The following PXDNL variants were observed in gnomAD, a reference collection of about 807,000 sequenced individuals.
The protein encoded by PXDNL is peroxidasin like, also known as probable oxidoreductase PXDNL.
A neutral mutation model predicts 150.8 loss-of-function variants in PXDNL; 145 were observed. That is an observed-to-expected ratio of 0.96 (90% CI 0.84 to 1.10). The LOEUF is 1.10. Ranked by LOEUF, PXDNL falls within the 50% of genes least tolerant of loss-of-function variation. PXDNL has a pLI of 0.00. For missense variants in PXDNL, 2,087 were observed against 1,873.9 expected (o/e 1.11, Z -2.10); for synonymous variants, 757 against 725.7 (o/e 1.04, Z -0.69).
chr8:51,628,399 CTTTTTTTTTTTTTTT>C (rs71550276), intron 2 of PXDNL, among the ~76,000 whole-genome samples: 10 of 69,748 alleles, frequency 1.4e-4, no homozygotes, highest in African/African-American at 3.5e-4. Flanking sequence ...CTTTTCTTTT[CTTTTTTTTTTTTTTT>C]TTTTTTTTGG....
At chr8:51,431,931 A>T (rs551177848) in intron 12 of PXDNL, among the ~76,000 whole-genome samples, 48 of 152,226 alleles carry the variant, frequency 3.2e-4, no homozygotes, top group Non-Finnish European at 6.0e-4. Context: ...ATCAAAACAC[A>T]CTTGCCAGTT....
intron 1 of PXDNL, among the ~76,000 whole-genome samples, chr8:51,803,331 C>G (rs1339688335): frequency 6.6e-6 from 1 of 152,168 alleles, no homozygotes; most frequent in African/African-American, 2.4e-5. Context: ...TTTCTCAGCT[C>G]TCACATCCTT....
At position 51,453,761 on chromosome 8, in the gene PXDNL, G is replaced by A. The variant is rs865988145; in HGVS notation, c.1007C>T (p.Pro336Leu). The A allele has an allele frequency of 1.2e-6, 2 of 1,613,918 alleles. No individual in the cohort carries two copies. Among genetic ancestry groups the A allele is most frequent in the Non-Finnish European group, 1.7e-6 (2 of 1,179,868 alleles). The change falls in exon 10 of 23, where the codon CCT (proline) becomes CTT (leucine). Residue 336 changes from proline (P) to leucine (L), a missense_variant. Coordinates refer to ENST00000356297, the MANE Select transcript of PXDNL (RefSeq NM_144651.5). ...LPAKPSFVIQPQDTEVLIGTS... is the reference protein window; with the variant it reads ...LPAKPSFVIQLQDTEVLIGTS... ...GCCAATTAAAACCTCTGTGTCCTGA[G>A]GCTGGATTACAAAGCTTGGTTTGGC...
At chr8:51,617,079 G>A (rs1323800057) in intron 2 of PXDNL, among the ~76,000 whole-genome samples, 1 of 152,202 alleles carries the variant, frequency 6.6e-6, no homozygotes, top group Non-Finnish European at 1.5e-5. Context: ...AGTTTGAGAA[G>A]AATTGGGAGA....
At chr8:51,417,248 A>C (rs1428956584) in intron 14 of PXDNL, among the ~76,000 whole-genome samples, 4 of 152,214 alleles carry the variant, frequency 2.6e-5, no homozygotes, top group South Asian at 2.1e-4. Context: ...TTTCTTTGTT[A>C]AGTCTCAGGG....
At chr8:51,435,785 A>C (rs1809388713) in intron 12 of PXDNL, 1 of 413,230 alleles carries the variant, frequency 2.4e-6, no homozygotes, top group African/African-American at 2.1e-5. Context: ...CAAGGAATGG[A>C]TTTTCATCTT....
chr8:51,723,856 C>T (rs1315123670), intron 1 of PXDNL, among the ~76,000 whole-genome samples: 1 of 151,872 alleles, frequency 6.6e-6, no homozygotes, highest in Non-Finnish European at 1.5e-5. Flanking sequence ...GACTGCATTG[C>T]GGACAGTAAA....
Position 51,707,166 on chromosome 8 carries a change from T to C in PXDNL, c.165-52406A>G, listed in dbSNP as rs202242621. On this transcript the variant is annotated intron_variant, in intron 1 of 22. Transcript: ENST00000356297. ...TGAGCATCTCTGATATTTTCAGTGGTTTGTTTTGCTCGCTCTCTCTCTGTC... is the reference window on the plus strand; with the variant it reads ...TGAGCATCTCTGATATTTTCAGTGGCTTGTTTTGCTCGCTCTCTCTCTGTC... 3.3e-5 allele frequency among the ~76,000 whole-genome samples: 5 copies of C among 152,320 alleles called. No individual in the cohort carries two copies. The East Asian group carries it at 9.6e-4, about 29-fold the overall frequency.
intron 2 of PXDNL, among the ~76,000 whole-genome samples, chr8:51,600,659 C>A (rs1813693575): frequency 7.5e-6 from 1 of 133,556 alleles, no homozygotes; most frequent in Non-Finnish European, 1.6e-5. Context: ...TAAATTATAT[C>A]TTATATAAAT....
chr8:51,776,474 A>G (rs902389143), intron 1 of PXDNL, among the ~76,000 whole-genome samples: 1 of 152,128 alleles, frequency 6.6e-6, no homozygotes, highest in Non-Finnish European at 1.5e-5. Context: ...GCCGACACTT[A>G]GAGAAATAGA....
At chr8:51,540,008 C>A (rs559820083) in intron 4 of PXDNL, among the ~76,000 whole-genome samples, 1 of 151,858 alleles carries the variant, frequency 6.6e-6, no homozygotes, top group Non-Finnish European at 1.5e-5. Flanking sequence ...TCTCAACCTC[C>A]GCCTCTCAGG....
intron 21 of PXDNL, among the ~76,000 whole-genome samples, chr8:51,325,659 G>T (rs777863391): frequency 2.0e-5 from 3 of 152,182 alleles, no homozygotes; most frequent in Non-Finnish European, 2.9e-5. Context: ...AGTGAAGAGG[G>T]AGGGGAGCTT....
intron 2 of PXDNL, among the ~76,000 whole-genome samples, chr8:51,610,015 C>G (rs1813964286): frequency 7.0e-6 from 1 of 143,564 alleles, no homozygotes; most frequent in Non-Finnish European, 1.5e-5. Context: ...TACTGGCCTT[C>G]TATTAATACA....
intron 1 of PXDNL, among the ~76,000 whole-genome samples, chr8:51,780,195 CAGT>C (rs201063126): frequency 6.6e-6 from 1 of 152,076 alleles, no homozygotes; most frequent in East Asian, 1.9e-4. Flanking sequence ...CCAGGCAATA[CAGT>C]GAAACTCTGT....
intron 5 of PXDNL, among the ~76,000 whole-genome samples, chr8:51,496,645 A>G (rs1479544168): frequency 6.6e-6 from 1 of 152,204 alleles, no homozygotes; most frequent in Non-Finnish European, 1.5e-5. Flanking sequence ...CACCAATAAC[A>G]GACAAACAGA....
intron 12 of PXDNL, among the ~76,000 whole-genome samples, chr8:51,428,958 T>C (rs1030488505): frequency 2.6e-5 from 4 of 152,164 alleles, no homozygotes; most frequent in Non-Finnish European, 5.9e-5. Context: ...AGGAATAGTG[T>C]CTAAAATATA....
chr8:51,406,209 G>GACTC (rs1310286171), intron 17 of PXDNL, among the ~76,000 whole-genome samples: 6 of 152,322 alleles, frequency 3.9e-5, no homozygotes, highest in African/African-American at 1.4e-4. Flanking sequence ...TGAGAAGTGA[G>GACTC]ACTCAAATTG....
At chr8:51,595,927 G>C (rs921446371) in intron 2 of PXDNL, among the ~76,000 whole-genome samples, 1 of 151,962 alleles carries the variant, frequency 6.6e-6, no homozygotes, top group Non-Finnish European at 1.5e-5. Flanking sequence ...TTAGATTCAG[G>C]GGGCACATGT....
intron 17 of PXDNL, among the ~76,000 whole-genome samples, chr8:51,389,021 A>G (rs1807812665): frequency 6.6e-6 from 1 of 152,070 alleles, no homozygotes; most frequent in Admixed American, 6.6e-5. Context: ...CCTAAGTTCC[A>G]TTTTAATTTT....
Sources: gnomAD v4.1 joint callset for allele counts (sites outside exome capture counted in the v4.1 genomes callset) on GRCh38, gnomAD v4.1.1 for gene constraint, MANE v1.5 for transcripts, NCBI Gene and HGNC (gene_info 2026-07-23, HGNC 2026-07-21) for gene names.